Variants in MED31 observed in about 807,000 individuals in gnomAD.
MED31 encodes the protein mediator of RNA polymerase II transcription subunit 31.
Under a neutral mutation model 22.0 loss-of-function variants are expected in MED31, and 11 were observed. The ratio of observed to expected loss-of-function variants is 0.50; its 90% CI spans 0.31 to 0.83. The LOEUF is 0.83. Among genes scored for constraint, MED31 ranks in the 40% least tolerant of loss-of-function variants. MED31 has a pLI of 0.04. For synonymous variants in MED31, 60 were observed against 55.1 expected, an observed-to-expected ratio of 1.09 and a Z score of -0.40; for missense variants, 122 against 155.3, an observed-to-expected ratio of 0.79 and a Z score of 1.14.
At chr17:6,648,884 G>T (rs539437736) in intron 3 of MED31, among the ~76,000 whole-genome samples, 77 of 152,154 alleles carry the variant, frequency 5.1e-4, no homozygotes, top group African/African-American at 1.8e-3. Context: ...AACGTTGTGG[G>T]TAAGATTAAA....
intron 3 of MED31, among the ~76,000 whole-genome samples, chr17:6,648,585 C>T (rs576346150): frequency 2.0e-5 from 3 of 152,090 alleles, no homozygotes; most frequent in Non-Finnish European, 1.5e-5. Flanking sequence ...TAAATGTTGG[C>T]AAGTATTAAA....
Position 6,644,621 on chromosome 17 carries a change from T to C in MED31, c.242A>G (p.Tyr81Cys). 6 of 1,610,664 alleles carry C rather than the reference T, an allele frequency of 3.7e-6. No homozygotes were observed. The highest frequency in any genetic ancestry group is 1.1e-5 in the South Asian group (1 of 90,124). ...QCLHMLELLQ[Y>C]EHFRKELVNA... ...CACCAGCTCCTTTCGGAAGTGTTCATATTGGAGCAGCTCTAACATGTGTAA... is the reference window on the plus strand; with the variant it reads ...CACCAGCTCCTTTCGGAAGTGTTCACATTGGAGCAGCTCTAACATGTGTAA... Residue 81 changes from tyrosine to cysteine, a missense_variant, in exon 4 of 4, where the codon TAT becomes TGT. Transcript: ENST00000225728.
At chr17:6,645,984 G>A (rs952912115) in intron 3 of MED31, among the ~76,000 whole-genome samples, 15 of 152,074 alleles carry the variant, frequency 9.9e-5, no homozygotes, top group Admixed American at 7.2e-4. Context: ...CAAAATTTAC[G>A]TCACCAGTAG....
chr17:6,651,369 C>T (rs1200991366), intron 1 of MED31, 132 bp downstream of exon 1: 1 of 1,240,000 alleles, frequency 8.1e-7, no homozygotes, highest in African/African-American at 1.5e-5. Flanking sequence ...CTAGACGCTA[C>T]AAGAGCCTTC....
At position 6,644,028 on chromosome 17, in the gene MED31, C is replaced by T. The variant is rs564993875; in HGVS notation, c.*439G>A. 1.2e-5 allele frequency: 5 copies of T among 400,598 alleles called. No individual in the cohort carries two copies. The highest frequency in any genetic ancestry group is 1.2e-4 in the South Asian group (1 of 8,024). The allele number at this position is 400,598 out of a possible 1,614,324, so 24.8% of individuals were successfully genotyped here. On this transcript the variant is annotated 3_prime_UTR_variant, in exon 4 of 4. Transcript: ENST00000225728. ...TATGATTTAAAGAGGTCAGTGACTC[C>T]GCTACTCTCACTACATCTTAGAGTA...
rs977913618 is a variant in MED31 at position 6,644,372 on chromosome 17, A to G, written c.*95T>C. ...AAGGTTCTAGGGGCTACCATAATAA[A>G]GGTAGATAGGAAGAGTTTTCATTTT... On this transcript the variant is annotated 3_prime_UTR_variant, in exon 4 of 4. Coordinates refer to ENST00000225728, the MANE Select transcript of MED31 (RefSeq NM_016060.3). The G allele has an allele frequency of 7.3e-7, 1 of 1,373,262 alleles. No homozygotes were observed. Among genetic ancestry groups the G allele is most frequent in the African/African-American group, 1.5e-5 (1 of 68,630 alleles). The allele number at this position is 1,373,262 out of a possible 1,614,324, so 85.1% of individuals were successfully genotyped here.
chr17:6,646,007 A>C (rs1018320297), intron 3 of MED31, among the ~76,000 whole-genome samples: 3 of 152,228 alleles, frequency 2.0e-5, no homozygotes, highest in African/African-American at 7.2e-5. Context: ...GGACAAATAG[A>C]CTTCATGTGA....
Position 6,644,165 on chromosome 17 carries a change from ACCCCATG to A in MED31, c.*295_*301del, listed in dbSNP as rs1261978354. On this transcript the variant is annotated 3_prime_UTR_variant, in exon 4 of 4. Coordinates refer to ENST00000225728, the MANE Select transcript of MED31 (RefSeq NM_016060.3). ...TCAGTATACTTGGTGGCCCACCCCTACCCCATGCCCCAGTGCCTTATTTGGTCTAAAG... is the reference window on the plus strand; with the variant it reads ...TCAGTATACTTGGTGGCCCACCCCTACCCCAGTGCCTTATTTGGTCTAAAG... The A allele has an allele frequency of 4.5e-6, 2 of 446,892 alleles. No individual in the cohort carries two copies. The allele number at this position is 446,892 out of a possible 1,614,324, so 27.7% of individuals were successfully genotyped here.
chr17:6,648,785 ATATCTGGC>A (rs2150949059), intron 3 of MED31, among the ~76,000 whole-genome samples: 1 of 152,320 alleles, frequency 6.6e-6, no homozygotes, highest in East Asian at 1.9e-4. Context: ...GAACTTTCTA[ATATCTGGC>A]TAACAATCGA....
At chr17:6,649,205 GGTTTTTTTT>G (rs113921079) in intron 3 of MED31, among the ~76,000 whole-genome samples, 97,730 of 143,510 alleles carry the variant, frequency 0.68, 33,859 homozygotes, top group African/African-American at 0.86. Flanking sequence ...AAGGTGGGTT[GGTTTTTTTT>G]GTTTTTTTTG....
At chr17:6,644,968 C>A (rs567474926) in intron 3 of MED31, among the ~76,000 whole-genome samples, 1 of 152,242 alleles carries the variant, frequency 6.6e-6, no homozygotes, top group East Asian at 1.9e-4. Context: ...CGGTTTCCAA[C>A]GTGAAGAACA....
chr17:6,645,158 AGCAAATATACTGTGGATAAGGACAG>A (rs1453345920), intron 3 of MED31, among the ~76,000 whole-genome samples: 7 of 152,248 alleles, frequency 4.6e-5, no homozygotes, highest in African/African-American at 1.7e-4. Flanking sequence ...GGATTGGACA[AGCAAATATACTGTGGATAAGGACAG>A]CCAAATTTCT....
intron 3 of MED31, among the ~76,000 whole-genome samples, chr17:6,646,893 A>T (rs971978660): frequency 6.6e-6 from 1 of 152,162 alleles, no homozygotes; most frequent in Non-Finnish European, 1.5e-5. Flanking sequence ...CTGGGAATGG[A>T]ATGTCTTAGT....
chr17:6,643,356 C>T lies in MED31; in HGVS notation c.*1111G>A. On this transcript the variant is annotated 3_prime_UTR_variant, in exon 4 of 4. Coordinates refer to ENST00000225728, the MANE Select transcript of MED31 (RefSeq NM_016060.3). The stretch of plus-strand genomic sequence containing the variant: ...TTTTATTTTAAGTTATCTCCATCTG[C>T]AAAGCAACTGATGATATTCCTGAAA... The T allele has an allele frequency of 1.0e-5, 2 of 192,038 alleles. No individual in the cohort carries two copies. Among genetic ancestry groups the T allele is most frequent in the Non-Finnish European group, 2.1e-5 (2 of 93,362 alleles). The allele number at this position is 192,038 out of a possible 1,614,324, so 11.9% of individuals were successfully genotyped here.
At chr17:6,645,451 A>G (rs777866255) in intron 3 of MED31, among the ~76,000 whole-genome samples, 1 of 152,182 alleles carries the variant, frequency 6.6e-6, no homozygotes, top group Non-Finnish European at 1.5e-5. Context: ...GTTTCCAAGG[A>G]GCAGGTTTCC....
chr17:6,644,012 A>G lies in MED31; in HGVS notation c.*455T>C, dbSNP rs1972729942. The G allele has an allele frequency of 5.0e-6, 2 of 399,562 alleles. No individual in the cohort carries two copies. The highest frequency in any genetic ancestry group is 8.7e-5 in the Admixed American group (2 of 23,022). The allele number at this position is 399,562 out of a possible 1,614,324, so 24.8% of individuals were successfully genotyped here. On this transcript the variant is annotated 3_prime_UTR_variant, in exon 4 of 4. Transcript: ENST00000225728. ...TATGCAGTTCCTGTCCTATGATTTAAAGAGGTCAGTGACTCCGCTACTCTC... is the reference window on the plus strand; with the variant it reads ...TATGCAGTTCCTGTCCTATGATTTAGAGAGGTCAGTGACTCCGCTACTCTC...
At chr17:6,646,671 G>A (rs981376393) in intron 3 of MED31, among the ~76,000 whole-genome samples, 3 of 152,236 alleles carry the variant, frequency 2.0e-5, no homozygotes, top group Non-Finnish European at 4.4e-5. Flanking sequence ...AATGCACTGC[G>A]GAAGGCCGCA....
chr17:6,644,103 T>G lies in MED31; in HGVS notation c.*364A>C. 1 of 413,022 alleles carries G rather than the reference T, an allele frequency of 2.4e-6. No homozygotes were observed. The highest frequency in any genetic ancestry group is 9.9e-5 in the South Asian group (1 of 10,084). 25.6% of individuals were successfully genotyped at this position (413,022 alleles called of 1,614,324 possible). ...ACAGTAAGGTTCCAGGAGATGGTCT[T>G]GCCCTACTATATGTCAGGAACAGCT... On this transcript the variant is annotated 3_prime_UTR_variant, in exon 4 of 4. Transcript: ENST00000225728.
chr17:6,645,494 G>C (rs1972755275), intron 3 of MED31, among the ~76,000 whole-genome samples: 1 of 152,080 alleles, frequency 6.6e-6, no homozygotes, highest in Non-Finnish European at 1.5e-5. Context: ...GATAAGACAG[G>C]AAAAGTACAA....
Sources: gnomAD v4.1 joint callset for allele counts (sites outside exome capture counted in the v4.1 genomes callset) on GRCh38, gnomAD v4.1.1 for gene constraint, MANE v1.5 for transcripts, NCBI Gene and HGNC (gene_info 2026-07-23, HGNC 2026-07-21) for gene names.